Variants in TTC28 observed in about 807,000 individuals in gnomAD.
TTC28 encodes the protein tetratricopeptide repeat protein 28.
TTC28 carries 61 observed loss-of-function variants against 198.0 expected under a neutral mutation model. The observed-to-expected ratio is 0.31, with a 90% CI of 0.25 to 0.38. The LOEUF is 0.38. TTC28 is among the 10% of genes least tolerant of loss of function. The pLI, the probability that TTC28 is intolerant of heterozygous loss-of-function variation, is 1.00. For missense variants in TTC28, 2,678 were observed against 3,164.0 expected, an observed-to-expected ratio of 0.85 and a Z score of 3.69; for synonymous variants, 1,171 against 1,297.8, an observed-to-expected ratio of 0.90 and a Z score of 2.10.
chr22:28,413,143 C>G (rs1157024182), intron 2 of TTC28, among the ~76,000 whole-genome samples: 2 of 152,128 alleles, frequency 1.3e-5, no homozygotes, highest in Non-Finnish European at 2.9e-5. Flanking sequence ...TAGAAACTTT[C>G]TAGTCGTCTC....
At chr22:28,187,486 A>ATACT (rs140540169) in intron 5 of TTC28, among the ~76,000 whole-genome samples, 6,549 of 152,276 alleles carry the variant, frequency 0.043, 165 homozygotes, top group African/African-American at 0.058. Flanking sequence ...CAACCACTAT[A>ATACT]TACTATACAC....
chr22:28,466,602 A>G (rs932451478), intron 2 of TTC28, among the ~76,000 whole-genome samples: 10 of 152,140 alleles, frequency 6.6e-5, no homozygotes, highest in African/African-American at 2.4e-4. Context: ...GCATGGCCAC[A>G]TTTACATCTC....
intron 12 of TTC28, among the ~76,000 whole-genome samples, chr22:28,040,094 C>T: frequency 6.6e-6 from 1 of 152,214 alleles, no homozygotes; most frequent in Middle Eastern, 3.4e-3. Flanking sequence ...GGAAATAACC[C>T]ATAGCCTACC....
chr22:28,130,122 G>C (rs1943023510), intron 6 of TTC28, among the ~76,000 whole-genome samples: 4 of 152,112 alleles, frequency 2.6e-5, no homozygotes, highest in Admixed American at 2.6e-4. Context: ...ACCTAAATCA[G>C]ATATCCTATA....
At chr22:28,653,646 C>T (rs2051598497) in intron 1 of TTC28, among the ~76,000 whole-genome samples, 1 of 152,090 alleles carries the variant, frequency 6.6e-6, no homozygotes, top group South Asian at 2.1e-4. Flanking sequence ...TCTAGAAACC[C>T]ATTTGTTTTT....
chr22:28,171,088 G>A (rs1922630817), intron 5 of TTC28, among the ~76,000 whole-genome samples: 1 of 151,454 alleles, frequency 6.6e-6, no homozygotes, highest in African/African-American at 2.4e-5. Context: ...AACCACAAAG[G>A]GACAACAAAA....
chr22:28,251,888 C>T (rs572096026), intron 5 of TTC28, among the ~76,000 whole-genome samples: 1 of 152,196 alleles, frequency 6.6e-6, no homozygotes, highest in South Asian at 2.1e-4. Context: ...GGACTACAAA[C>T]ATTTATCCTA....
chr22:28,382,241 T>C (rs756127135), intron 2 of TTC28, among the ~76,000 whole-genome samples: 3 of 152,140 alleles, frequency 2.0e-5, no homozygotes, highest in Non-Finnish European at 2.9e-5. Context: ...ATTCTCTGTA[T>C]TTTTCCCTCA....
chr22:28,386,067 G>A (rs1193908601), intron 2 of TTC28, among the ~76,000 whole-genome samples: 2 of 151,422 alleles, frequency 1.3e-5, no homozygotes, highest in South Asian at 2.1e-4. Context: ...ACGAGGTCAG[G>A]AGATCGAGAC....
chr22:28,602,309 T>C (rs1260724707), intron 2 of TTC28, among the ~76,000 whole-genome samples: 1 of 152,150 alleles, frequency 6.6e-6, no homozygotes, highest in Non-Finnish European at 1.5e-5. Context: ...ATATACTTCT[T>C]GCCACGTAAT....
At chr22:28,610,979 G>T (rs1408052208) in intron 2 of TTC28, among the ~76,000 whole-genome samples, 1 of 152,058 alleles carries the variant, frequency 6.6e-6, no homozygotes, top group African/African-American at 2.4e-5. Flanking sequence ...ATCAGAGATG[G>T]AAGATCAACT....
At chr22:28,046,529 C>A (rs1459435606) in intron 12 of TTC28, among the ~76,000 whole-genome samples, 1 of 152,142 alleles carries the variant, frequency 6.6e-6, no homozygotes, top group Non-Finnish European at 1.5e-5. Context: ...CATTGTTGAC[C>A]AAAACGTCAT....
intron 6 of TTC28, among the ~76,000 whole-genome samples, chr22:28,110,065 G>A (rs1290438058): frequency 1.3e-5 from 2 of 152,180 alleles, no homozygotes; most frequent in East Asian, 1.9e-4. Flanking sequence ...GAAGAATGAG[G>A]ACAGAAGTCT....
chr22:28,120,271 C>T (rs964428077), intron 6 of TTC28, among the ~76,000 whole-genome samples: 3 of 152,194 alleles, frequency 2.0e-5, no homozygotes, highest in Admixed American at 1.3e-4. Flanking sequence ...CTGGATATAC[C>T]TCAGATACCC....
intron 5 of TTC28, among the ~76,000 whole-genome samples, chr22:28,246,192 T>C (rs911365253): frequency 6.6e-6 from 1 of 152,178 alleles, no homozygotes; most frequent in Admixed American, 6.6e-5. Context: ...AACATAGCAT[T>C]TGTACACAAG....
At chr22:28,648,255 G>C (rs575130426) in intron 1 of TTC28, among the ~76,000 whole-genome samples, 19 of 145,134 alleles carry the variant, frequency 1.3e-4, no homozygotes, top group African/African-American at 4.6e-4. Context: ...CTCGACATCA[G>C]TAATCATCAG....
intron 6 of TTC28, among the ~76,000 whole-genome samples, chr22:28,121,610 T>C (rs1469870923): frequency 1.3e-5 from 2 of 152,224 alleles, no homozygotes; most frequent in African/African-American, 4.8e-5. Flanking sequence ...TGAACTAAAA[T>C]TGAAATTTAA....
At chr22:28,294,002 G>A (rs1279793523) in intron 5 of TTC28, among the ~76,000 whole-genome samples, 1 of 152,188 alleles carries the variant, frequency 6.6e-6, no homozygotes, top group African/African-American at 2.4e-5. Context: ...AAACTTTGAG[G>A]AGAATATTAT....
At chr22:28,290,639 TG>T (rs1464568426) in intron 5 of TTC28, among the ~76,000 whole-genome samples, 4 of 152,118 alleles carry the variant, frequency 2.6e-5, no homozygotes, top group Non-Finnish European at 4.4e-5. Context: ...GGGCCTGGCG[TG>T]GTCGCTCATG....
Sources: gnomAD v4.1 joint callset for allele counts (sites outside exome capture counted in the v4.1 genomes callset) on GRCh38, gnomAD v4.1.1 for gene constraint, MANE v1.5 for transcripts, NCBI Gene and HGNC (gene_info 2026-07-23, HGNC 2026-07-21) for gene names.